GREB1L: variants seen among roughly 807,000 people sequenced by gnomAD.
GREB1L encodes the protein GREB1-like protein.
GREB1L carries 17 observed loss-of-function variants against 200.8 expected under a neutral mutation model. That is an observed-to-expected ratio of 0.08 (90% CI 0.06 to 0.13). GREB1L has a LOEUF of 0.13. GREB1L is among the 10% of genes least tolerant of loss of function. The pLI, the probability that GREB1L is intolerant of heterozygous loss-of-function variation, is 1.00. For synonymous variants in GREB1L, 789 were observed against 893.0 expected, an observed-to-expected ratio of 0.88 and a Z score of 2.08; for missense variants, 1,657 against 2,367.7, an observed-to-expected ratio of 0.70 and a Z score of 6.23.
chr18:21,510,333 A>G (rs1424212362), intron 27 of GREB1L, among the ~76,000 whole-genome samples: 1 of 152,188 alleles, frequency 6.6e-6, no homozygotes, highest in Non-Finnish European at 1.5e-5. Context: ...TGTGAAACAG[A>G]AACTCTATAC....
intron 27 of GREB1L, among the ~76,000 whole-genome samples, chr18:21,511,290 G>A (rs2037228169): frequency 6.6e-6 from 1 of 152,098 alleles, no homozygotes; most frequent in Non-Finnish European, 1.5e-5. Context: ...CTTGAACCGG[G>A]GAGGTGGAGG....
Position 21,490,321 on chromosome 18 carries a change from T to C in GREB1L, c.3000T>C (p.Ser1000=), listed in dbSNP as rs2036281778. ...TTGGGAACCCGGCCACCGAACTCAGTGTTGCAACTCACTTTGTGGCGCGAT... is the reference window on the plus strand; with the variant it reads ...TTGGGAACCCGGCCACCGAACTCAGCGTTGCAACTCACTTTGTGGCGCGAT... ...IILGNPATEL[S]VATHFVARLK... The change falls in exon 19 of 33, where the codon AGT becomes AGC. Residue 1000 remains serine (S), a synonymous_variant. Transcript: ENST00000424526. The C allele has an allele frequency of 1.3e-6, 2 of 1,551,690 alleles. No individual in the cohort carries two copies. The highest frequency in any genetic ancestry group is 2.0e-5 in the Admixed American group (1 of 50,990).
intron 1 of GREB1L, among the ~76,000 whole-genome samples, chr18:21,357,718 A>ATG (rs2039525607): frequency 6.6e-6 from 1 of 152,202 alleles, no homozygotes; most frequent in African/African-American, 2.4e-5. Context: ...CAGTTATTGA[A>ATG]GAGACTGTTC....
At chr18:21,368,826 G>A (rs2039767562) in intron 2 of GREB1L, among the ~76,000 whole-genome samples, 1 of 152,040 alleles carries the variant, frequency 6.6e-6, no homozygotes, top group East Asian at 1.9e-4. Flanking sequence ...ATATTACACA[G>A]GAGACCTTGT....
intron 1 of GREB1L, among the ~76,000 whole-genome samples, chr18:21,242,849 G>C (rs2037525189): frequency 6.6e-6 from 1 of 152,148 alleles, no homozygotes; most frequent in African/African-American, 2.4e-5. Flanking sequence ...GGGCAGTGAG[G>C]GGGTGCCGGG....
chr18:21,525,100 A>G lies in GREB1L; in HGVS notation c.*2279A>G, dbSNP rs1251912308. ...TGGGATGAATGGATTCGCTAGGCCC[A>G]CACAGTAACTCACCTGTAGACCTGC... On this transcript the variant is annotated 3_prime_UTR_variant, in exon 33 of 33. Coordinates refer to ENST00000424526, the MANE Select transcript of GREB1L (RefSeq NM_001142966.3). 1 of 151,910 alleles carries G rather than the reference A, an allele frequency of 6.6e-6. No homozygotes were observed. The highest frequency in any genetic ancestry group is 1.5e-5 in the Non-Finnish European group (1 of 67,994). 9.4% of individuals were successfully genotyped at this position (151,910 alleles called of 1,614,324 possible).
At position 21,384,418 on chromosome 18, in the gene GREB1L, T is replaced by G. The variant is rs2040450892; in HGVS notation, c.355+15T>G. Reference sequence around the variant, plus strand: ...CACTACAGATGGTGGGTTTCAGTTGTGTTTTCTTTTTGCTATTTTGTCTCT... The same window carrying G: ...CACTACAGATGGTGGGTTTCAGTTGGGTTTTCTTTTTGCTATTTTGTCTCT... On this transcript the variant is annotated intron_variant, in intron 4 of 32. Coordinates refer to ENST00000424526, the MANE Select transcript of GREB1L (RefSeq NM_001142966.3). 1 of 1,529,618 alleles carries G rather than the reference T, an allele frequency of 6.5e-7. No individual in the cohort carries two copies. Among genetic ancestry groups the G allele is most frequent in the Admixed American group, 2.2e-5 (1 of 44,914 alleles). 94.8% of individuals were successfully genotyped at this position (1,529,618 alleles called of 1,614,324 possible). A position where few individuals can be genotyped will look rare whatever the true frequency, so the allele number is the denominator to read the frequency against.
In GREB1L at chr18:21,401,138, T is replaced by G. The variant is rs1390456868; in HGVS notation, c.533-12T>G. On this transcript the variant is annotated splice_polypyrimidine_tract_variant and intron_variant, in intron 5 of 32. Coordinates refer to ENST00000424526, the MANE Select transcript of GREB1L (RefSeq NM_001142966.3). ...ACAAGGCCATTAGTAACATTGGTTT[T>G]CCTGACTTCAGGGTTTTCTGGAAAT... 2.6e-6 allele frequency: 4 copies of G among 1,549,794 alleles called. No individual in the cohort carries two copies. In the East Asian group the frequency reaches 9.8e-5, roughly 38 times the overall value.
chr18:21,436,539 C>T (rs1485084440), intron 7 of GREB1L, among the ~76,000 whole-genome samples: 2 of 151,850 alleles, frequency 1.3e-5, no homozygotes, highest in East Asian at 2.0e-4. Context: ...GAGGCTGAGG[C>T]GGGAGGATGG....
At chr18:21,331,893 G>C (rs2039111335) in intron 1 of GREB1L, among the ~76,000 whole-genome samples, 4 of 152,146 alleles carry the variant, frequency 2.6e-5, no homozygotes, top group Admixed American at 2.6e-4. Flanking sequence ...ATTTAATTTA[G>C]TTGTAAATAG....
Position 21,274,437 on chromosome 18 carries a change from G to A in GREB1L, c.-120+32044G>A, listed in dbSNP as rs546314599. On this transcript the variant is annotated intron_variant, in intron 1 of 32. Transcript: ENST00000424526. ...TTTTATTTTTATTTTTTGAGACTGG[G>A]TCTCACTCTGTTGCCCAGGCTGGAG... Among the ~76,000 whole-genome samples, 3 of 151,922 alleles carry A rather than the reference G, an allele frequency of 2.0e-5. No individual in the cohort carries two copies. The South Asian group carries it at 6.3e-4, about 32-fold the overall frequency.
intron 1 of GREB1L, among the ~76,000 whole-genome samples, chr18:21,285,899 G>A (rs1403267730): frequency 1.3e-5 from 2 of 152,098 alleles, no homozygotes; most frequent in African/African-American, 2.4e-5. Flanking sequence ...GGTCTTCAGT[G>A]TTCAGATTAC....
intron 28 of GREB1L, 96 bp downstream of exon 28, chr18:21,514,082 C>G (rs975761028): frequency 8.2e-6 from 10 of 1,221,822 alleles, no homozygotes; most frequent in African/African-American, 7.6e-5. Context: ...AAGAGAGAGA[C>G]AGCTTTCCAG....
Position 21,384,362 on chromosome 18 carries a change from A to T in GREB1L, c.314A>T (p.Tyr105Phe), listed in dbSNP as rs746481154. 22 of 1,551,742 alleles carry T rather than the reference A, an allele frequency of 1.4e-5. No homozygotes were observed. The highest frequency in any genetic ancestry group is 1.8e-5 in the Non-Finnish European group (21 of 1,147,034). The change falls in exon 4 of 33, where the codon TAT becomes TTT. Residue 105 changes from tyrosine (Y) to phenylalanine (F), a missense_variant. This residue lies in a region of GREB1L where 121 missense variants were observed against 126.6 expected (regional missense o/e 0.96). Transcript: ENST00000424526. Reference protein sequence around the residue: ...MSDSNSPPIPYSQKPAPEGSC... With the variant: ...MSDSNSPPIPFSQKPAPEGSC... Reference sequence around the variant, plus strand: ...GATTCAAACAGCCCACCAATTCCCTATTCACAAAAACCTGCCCCAGAAGGA... The same window carrying T: ...GATTCAAACAGCCCACCAATTCCCTTTTCACAAAAACCTGCCCCAGAAGGA...
At chr18:21,280,316 A>G (rs539724375) in intron 1 of GREB1L, among the ~76,000 whole-genome samples, 14 of 151,858 alleles carry the variant, frequency 9.2e-5, no homozygotes, top group African/African-American at 3.4e-4. Flanking sequence ...GGCTTTTCAG[A>G]TTGGCTTCCT....
At chr18:21,381,265 G>A (rs1380308271) in intron 2 of GREB1L, among the ~76,000 whole-genome samples, 1 of 148,312 alleles carries the variant, frequency 6.7e-6, no homozygotes, top group Non-Finnish European at 1.5e-5. Flanking sequence ...ATAATTAGCC[G>A]GGCACAGTGG....
Position 21,505,861 on chromosome 18 carries a change from C to T in GREB1L, c.4280C>T (p.Ser1427Phe), listed in dbSNP as rs909624303. ...VEEPRKRETV[S>F]IMLTKYAAYN... ...GAGCCCAGGAAACGGGAAACTGTAT[C>T]CATAATGCTGACCAAATATGCAGCC... Residue 1427 changes from serine (S) to phenylalanine (F), a missense_variant, in exon 25 of 33, where the codon TCC becomes TTC. Coordinates refer to ENST00000424526, the MANE Select transcript of GREB1L (RefSeq NM_001142966.3). 1.3e-6 allele frequency: 2 copies of T among 1,551,858 alleles called. No individual in the cohort carries two copies. Among genetic ancestry groups the T allele is most frequent in the African/African-American group, 2.7e-5 (2 of 73,024 alleles).
chr18:21,263,839 G>C (rs1598614000), intron 1 of GREB1L, among the ~76,000 whole-genome samples: 2 of 152,292 alleles, frequency 1.3e-5, no homozygotes, highest in East Asian at 3.9e-4. Flanking sequence ...AGAGATCAGA[G>C]AGTAGTTAAG....
intron 2 of GREB1L, among the ~76,000 whole-genome samples, chr18:21,382,830 A>G (rs2040377691): frequency 1.3e-5 from 2 of 152,180 alleles, no homozygotes; most frequent in African/African-American, 2.4e-5. Flanking sequence ...ATAGTACTAT[A>G]TAAATATTAG....
Sources: gnomAD v4.1 joint callset for allele counts (sites outside exome capture counted in the v4.1 genomes callset) on GRCh38, gnomAD v4.1.1 for gene constraint, gnomAD v4.1.1 regional missense constraint, MANE v1.5 for transcripts, NCBI Gene and HGNC (gene_info 2026-07-23, HGNC 2026-07-21) for gene names.